Variants in KIAA0753 observed in about 807,000 individuals in gnomAD.
The protein encoded by KIAA0753 is KIAA0753, also known as protein moonraker.
Under a neutral mutation model 116.9 loss-of-function variants are expected in KIAA0753, and 114 were observed. The observed-to-expected ratio is 0.98, with a 90% CI of 0.84 to 1.14. The LOEUF (loss-of-function observed/expected upper bound fraction) is 1.14, where lower values mean the gene tolerates loss of function less well. Ranked by LOEUF, KIAA0753 falls within the 50% of genes most tolerant of loss-of-function variation. The pLI is 0.00. For synonymous variants in KIAA0753, 405 were observed against 413.1 expected (o/e 0.98, Z 0.24); for missense variants, 1,156 against 1,172.4 (o/e 0.99, Z 0.20).
intron 7 of KIAA0753, 36 bp downstream of exon 7, chr17:6,620,752 T>G: frequency 6.3e-7 from 1 of 1,596,052 alleles, no homozygotes; most frequent in Non-Finnish European, 8.6e-7. Context: ...TTGTAATGAA[T>G]AAAATGTCTT....
At position 6,635,124 on chromosome 17, in the gene KIAA0753, A is replaced by G; in HGVS notation, c.-21T>C. 6.5e-7 allele frequency: 1 copy of G among 1,545,612 alleles called. No homozygotes were observed. Among genetic ancestry groups the G allele is most frequent in the African/African-American group, 1.4e-5 (1 of 73,680 alleles). On this transcript the variant is annotated 5_prime_UTR_variant, in exon 2 of 19. Transcript: ENST00000361413. ...CCCATAATGTCAGGTAGTACAGAACAATAGTGACAGCCTTGTCATCCGGCA... is the reference window on the plus strand; with the variant it reads ...CCCATAATGTCAGGTAGTACAGAACGATAGTGACAGCCTTGTCATCCGGCA...
chr17:6,619,090 G>A (rs781569625), intron 7 of KIAA0753, among the ~76,000 whole-genome samples: 1 of 152,058 alleles, frequency 6.6e-6, no homozygotes, highest in African/African-American at 2.4e-5. Flanking sequence ...TTAGCTGGGC[G>A]TGGTGGCACG....
intron 18 of KIAA0753, among the ~76,000 whole-genome samples, chr17:6,584,537 T>C (rs1419406575): frequency 2.0e-5 from 3 of 152,262 alleles, no homozygotes; most frequent in Non-Finnish European, 4.4e-5. Flanking sequence ...ACACATTAGG[T>C]ACTGTATCTG....
chr17:6,611,866 T>G, intron 8 of KIAA0753, 53 bp downstream of exon 8: 1 of 1,494,214 alleles, frequency 6.7e-7, no homozygotes. Flanking sequence ...TTATGTGACC[T>G]TGACAATGTC....
At chr17:6,603,524 G>GT (rs1970005188) in intron 12 of KIAA0753, among the ~76,000 whole-genome samples, 1 of 152,198 alleles carries the variant, frequency 6.6e-6, no homozygotes, top group Admixed American at 6.5e-5. Flanking sequence ...GCTGAAAAAT[G>GT]TACTTTCCAC....
At position 6,589,897 on chromosome 17, in the gene KIAA0753, A is replaced by G. The variant is rs1432691555; in HGVS notation, c.2668T>C (p.Phe890Leu). ...SQQKEGRAPL[F>L]VPPGMQHSIG... ...CTGTGCTGCATACCCGGTGGGACAAAGAGGGGAGCTCGGCCTTCTTTCTGT... is the reference window on the plus strand; with the variant it reads ...CTGTGCTGCATACCCGGTGGGACAAGGAGGGGAGCTCGGCCTTCTTTCTGT... The change falls in exon 18 of 19, where the codon TTT becomes CTT. Residue 890 changes from phenylalanine to leucine, a missense_variant. Transcript: ENST00000361413. 3.1e-6 allele frequency: 5 copies of G among 1,613,890 alleles called. No individual in the cohort carries two copies. The highest frequency in any genetic ancestry group is 2.2e-5 in the East Asian group (1 of 44,872).
chr17:6,603,605 G>C (rs184268351), intron 12 of KIAA0753, among the ~76,000 whole-genome samples: 3 of 152,318 alleles, frequency 2.0e-5, no homozygotes, highest in African/African-American at 7.2e-5. Flanking sequence ...GACTCGGAGA[G>C]AAGTAGAGAA....
At chr17:6,630,267 A>T (rs557894399) in intron 2 of KIAA0753, among the ~76,000 whole-genome samples, 272 of 152,254 alleles carry the variant, frequency 1.8e-3, no homozygotes, top group Non-Finnish European at 2.7e-3. Flanking sequence ...ACAAATTAAA[A>T]ATACATGGAA....
chr17:6,599,313 T>C lies in KIAA0753; in HGVS notation c.2096A>G (p.Asn699Ser), dbSNP rs200544568. ...ATGAATATTTGCTTCTGTAGTAGAA[T>C]TGACTCTCTATTAAAACAGACAAAT... The part of the protein sequence containing the change: ...KPLLVKAQRV[N>S]STTEANIHLK... The change falls in exon 14 of 19, where the codon AAT (asparagine) becomes AGT (serine). Residue 699 changes from asparagine to serine, a missense_variant. By Grantham distance (46) the Asn-to-Ser change is conservative. Transcript: ENST00000361413. 13 of 1,609,892 alleles carry C rather than the reference T, an allele frequency of 8.1e-6. No individual in the cohort carries two copies. Among genetic ancestry groups the C allele is most frequent in the African/African-American group, 8.0e-5 (6 of 74,944 alleles).
In KIAA0753 at chr17:6,578,714, A is replaced by T. The variant is rs1485079986; in HGVS notation, c.*1033T>A. 6.6e-6 allele frequency: 1 copy of T among 152,238 alleles called. No homozygotes were observed. The highest frequency in any genetic ancestry group is 1.5e-5 in the Non-Finnish European group (1 of 68,048). 9.4% of individuals were successfully genotyped at this position (152,238 alleles called of 1,614,324 possible). On this transcript the variant is annotated 3_prime_UTR_variant, in exon 19 of 19. Coordinates refer to ENST00000361413, the MANE Select transcript of KIAA0753 (RefSeq NM_014804.3). ...TGAGCCTCAGGCTACGAATTGAGAG[A>T]AAGTCTTTCCAGGCAGTGGCCTGAT...
chr17:6,627,767 C>T (rs1971762496), intron 3 of KIAA0753, among the ~76,000 whole-genome samples: 1 of 152,034 alleles, frequency 6.6e-6, no homozygotes, highest in Non-Finnish European at 1.5e-5. Context: ...AATAATTTTC[C>T]CAGAAGAGGG....
rs1023516220 is a variant in KIAA0753 at position 6,639,757 on chromosome 17, C to T, written c.-69+880G>A. On this transcript the variant is annotated intron_variant, in intron 1 of 18. Coordinates refer to ENST00000361413, the MANE Select transcript of KIAA0753 (RefSeq NM_014804.3). The surrounding 1 kb of genome is among the most constrained non-coding windows in gnomAD (Gnocchi z 4.3). ...TGCAGGCACGGGATGGAGCTCGACT[C>T]TACTTCCTTCCCCACATCCCGAGGC... is the stretch of plus-strand genomic sequence containing the variant. 3 of 152,816 alleles carry T rather than the reference C, an allele frequency of 2.0e-5. No homozygotes were observed. Among genetic ancestry groups the T allele is most frequent in the Non-Finnish European group, 2.9e-5 (2 of 68,200 alleles). The allele number at this position is 152,816 out of a possible 1,614,324, so 9.5% of individuals were successfully genotyped here.
At chr17:6,619,142 T>C (rs540029493) in intron 7 of KIAA0753, among the ~76,000 whole-genome samples, 106 of 152,014 alleles carry the variant, frequency 7.0e-4, no homozygotes, top group Non-Finnish European at 1.2e-3. Flanking sequence ...GGCAGGAGAA[T>C]TGCTTAAACC....
At chr17:6,623,643 G>C in intron 4 of KIAA0753, 72 bp from the exon 5 acceptor site, 1 of 1,542,686 alleles carries the variant, frequency 6.5e-7, no homozygotes, top group Non-Finnish European at 8.7e-7. Context: ...AGGATGCATC[G>C]ATATATCTCC....
chr17:6,598,057 T>C (rs994210302), intron 14 of KIAA0753, among the ~76,000 whole-genome samples: 2 of 152,236 alleles, frequency 1.3e-5, no homozygotes, highest in African/African-American at 4.8e-5. Flanking sequence ...GTATTAAACA[T>C]CATGTAATGC....
chr17:6,607,828 T>TC (rs1970290327), intron 10 of KIAA0753, among the ~76,000 whole-genome samples: 1 of 152,224 alleles, frequency 6.6e-6, no homozygotes. Flanking sequence ...TGGAATGTTC[T>TC]CACCTCATCT....
intron 7 of KIAA0753, among the ~76,000 whole-genome samples, chr17:6,613,365 G>A (rs1392058213): frequency 6.6e-6 from 1 of 152,082 alleles, no homozygotes; most frequent in African/African-American, 2.4e-5. Flanking sequence ...ATAATTTCAA[G>A]TGCATATTCA....
chr17:6,613,131 C>A (rs1029841735), intron 7 of KIAA0753, among the ~76,000 whole-genome samples: 2 of 151,952 alleles, frequency 1.3e-5, no homozygotes, highest in African/African-American at 4.8e-5. Context: ...AACATAAAAT[C>A]AGTATTATCT....
chr17:6,625,599 G>A (rs539144969), intron 3 of KIAA0753, among the ~76,000 whole-genome samples: 4 of 151,896 alleles, frequency 2.6e-5, no homozygotes, highest in African/African-American at 9.7e-5. Context: ...CCCAGGAGGC[G>A]GAGGTTGCAG....
Sources: gnomAD v4.1 joint callset for allele counts (sites outside exome capture counted in the v4.1 genomes callset) on GRCh38, gnomAD v4.1.1 for gene constraint, Gnocchi (gnomAD v3.1) non-coding constraint, MANE v1.5 for transcripts, NCBI Gene and HGNC (gene_info 2026-07-23, HGNC 2026-07-21) for gene names.